Variants in EYA4 observed in about 807,000 individuals in gnomAD.
The protein encoded by EYA4 is EYA transcriptional coactivator and phosphatase 4.
A neutral mutation model predicts 87.9 loss-of-function variants in EYA4; 31 were observed. That is an observed-to-expected ratio of 0.35 (90% CI 0.27 to 0.48). The LOEUF (loss-of-function observed/expected upper bound fraction) is 0.48. EYA4 is among the 20% of genes least tolerant of loss of function. EYA4 has a pLI of 0.99. For missense variants in EYA4, 678 were observed against 761.4 expected, an observed-to-expected ratio of 0.89 and a Z score of 1.29; for synonymous variants, 263 against 270.6, an observed-to-expected ratio of 0.97 and a Z score of 0.28.
At position 133,532,082 on chromosome 6, in the gene EYA4, T is replaced by G. The variant is rs956559899; in HGVS notation, c.*3277T>G. ...TAAAAATATGTATATCTTTACTATTTCTCAATAAATACCTTTGCAATTGTT... is the reference window on the plus strand; with the variant it reads ...TAAAAATATGTATATCTTTACTATTGCTCAATAAATACCTTTGCAATTGTT... On this transcript the variant is annotated 3_prime_UTR_variant, in exon 20 of 20. Coordinates refer to ENST00000355286, the MANE Select transcript of EYA4 (RefSeq NM_004100.5). The G allele has an allele frequency of 1.3e-5, 2 of 152,358 alleles. No homozygotes were observed. Among genetic ancestry groups the G allele is most frequent in the East Asian group, 1.9e-4 (1 of 5,186 alleles). The allele number at this position is 152,358 out of a possible 1,614,324, so 9.4% of individuals were successfully genotyped here.
At chr6:133,491,651 A>G (rs1797163750) in intron 13 of EYA4, among the ~76,000 whole-genome samples, 1 of 152,094 alleles carries the variant, frequency 6.6e-6, no homozygotes, top group African/African-American at 2.4e-5. Flanking sequence ...TGGAAGCTGC[A>G]ATAAAAAGTA....
chr6:133,437,382 T>C (rs993707781), intron 3 of EYA4, among the ~76,000 whole-genome samples: 9 of 152,212 alleles, frequency 5.9e-5, no homozygotes, highest in Non-Finnish European at 1.3e-4. Flanking sequence ...TGGCATCAGA[T>C]AAACATGAGT....
chr6:133,420,186 A>T (rs547248677), intron 3 of EYA4, among the ~76,000 whole-genome samples: 1 of 151,942 alleles, frequency 6.6e-6, no homozygotes, highest in Non-Finnish European at 1.5e-5. Flanking sequence ...TTATTAAGAG[A>T]TGTTAATAGT....
intron 13 of EYA4, 107 bp downstream of exon 13, chr6:133,483,222 CTG>C: frequency 2.6e-6 from 2 of 773,788 alleles, no homozygotes; most frequent in Non-Finnish European, 4.4e-6. Context: ...TTATTGCAGT[CTG>C]TGAAATCTTC....
At chr6:133,508,927 G>C (rs1241707042) in intron 14 of EYA4, among the ~76,000 whole-genome samples, 1 of 152,120 alleles carries the variant, frequency 6.6e-6, no homozygotes, top group Non-Finnish European at 1.5e-5. Flanking sequence ...AATGTGATAA[G>C]AATTTCATTT....
At chr6:133,525,637 T>TG (rs548102434) in intron 19 of EYA4, among the ~76,000 whole-genome samples, 30 of 151,926 alleles carry the variant, frequency 2.0e-4, no homozygotes, top group South Asian at 4.2e-4. Context: ...CAAGAAAGAT[T>TG]GGGGGGGAGA....
At position 133,277,780 on chromosome 6, in the gene EYA4, A is replaced by G. The variant is rs150064755; in HGVS notation, c.33+2967A>G. Among the ~76,000 whole-genome samples the G allele has an allele frequency of 1.5e-3, 223 of 152,278 alleles. 1 individual carries two copies. Among genetic ancestry groups the G allele is most frequent in the African/African-American group, 5.1e-3 (212 of 41,538 alleles). On this transcript the variant is annotated intron_variant, in intron 2 of 19. Transcript: ENST00000355286. Reference sequence around the variant, plus strand: ...ACTCATCTCAGTGAATGGCATCATCAGCTACTGAATGGGTTATGGCAGAAA... The same window carrying G: ...ACTCATCTCAGTGAATGGCATCATCGGCTACTGAATGGGTTATGGCAGAAA...
At chr6:133,503,598 A>G (rs1395268497) in intron 13 of EYA4, among the ~76,000 whole-genome samples, 1 of 152,130 alleles carries the variant, frequency 6.6e-6, no homozygotes, top group African/African-American at 2.4e-5. Flanking sequence ...TTCATGCTAT[A>G]ATTACATTTG....
chr6:133,310,885 T>C (rs140676339), intron 2 of EYA4, among the ~76,000 whole-genome samples: 6 of 152,344 alleles, frequency 3.9e-5, no homozygotes, highest in African/African-American at 1.4e-4. Flanking sequence ...TTTTGAACTT[T>C]CCTTTGTATT....
At position 133,462,610 on chromosome 6, in the gene EYA4, T is replaced by G; in HGVS notation, c.581-11T>G. The G allele has an allele frequency of 1.2e-6, 2 of 1,613,972 alleles. No homozygotes were observed. Among genetic ancestry groups the G allele is most frequent in the Non-Finnish European group, 1.7e-6 (2 of 1,179,926 alleles). ...TAATTAAATGGTTTACACATTCAAT[T>G]TTCTGAACAGATTTGGGTGTGATGT... On this transcript the variant is annotated splice_polypyrimidine_tract_variant and intron_variant, in intron 8 of 19. Coordinates refer to ENST00000355286, the MANE Select transcript of EYA4 (RefSeq NM_004100.5).
intron 2 of EYA4, among the ~76,000 whole-genome samples, chr6:133,360,002 C>A (rs1206241663): frequency 6.6e-6 from 1 of 152,150 alleles, no homozygotes; most frequent in Non-Finnish European, 1.5e-5. Flanking sequence ...AGGCAGGCTG[C>A]ATCTGAAGAA....
At chr6:133,506,904 A>C (rs893472742) in intron 14 of EYA4, among the ~76,000 whole-genome samples, 2 of 152,220 alleles carry the variant, frequency 1.3e-5, no homozygotes, top group Non-Finnish European at 2.9e-5. Flanking sequence ...CATTCAGATA[A>C]TAGAATTCGA....
intron 3 of EYA4, among the ~76,000 whole-genome samples, chr6:133,394,807 C>T (rs1295754990): frequency 2.0e-5 from 3 of 152,068 alleles, no homozygotes; most frequent in Non-Finnish European, 4.4e-5. Context: ...ACAAAAATAG[C>T]GAAGCATAAA....
chr6:133,443,958 T>C (rs1246837433), intron 3 of EYA4, among the ~76,000 whole-genome samples: 4 of 152,234 alleles, frequency 2.6e-5, no homozygotes, highest in African/African-American at 9.6e-5. Flanking sequence ...GTCCTCTTGA[T>C]AGATGTTCCA....
intron 1 of EYA4, among the ~76,000 whole-genome samples, chr6:133,262,897 C>A (rs993304553): frequency 3.9e-5 from 6 of 152,190 alleles, no homozygotes; most frequent in African/African-American, 1.4e-4. Context: ...AGATCTGTTT[C>A]TTGGACACCT....
chr6:133,467,260 T>G (rs1794933305), intron 10 of EYA4, among the ~76,000 whole-genome samples: 1 of 152,122 alleles, frequency 6.6e-6, no homozygotes, highest in Non-Finnish European at 1.5e-5. Flanking sequence ...TTAGGCACTC[T>G]GGGTTTAAAT....
At chr6:133,248,253 A>G (rs1262820446) in intron 1 of EYA4, 1 of 152,166 alleles carries the variant, frequency 6.6e-6, no homozygotes, top group African/African-American at 2.4e-5. Context: ...TATTGCTACT[A>G]TTTCTGTTAT....
At chr6:133,309,255 G>T (rs988254482) in intron 2 of EYA4, among the ~76,000 whole-genome samples, 3 of 151,758 alleles carry the variant, frequency 2.0e-5, no homozygotes, top group Non-Finnish European at 4.4e-5. Flanking sequence ...TCCCTAAATG[G>T]TGAAATTAAA....
rs150022444 is a variant in EYA4 at position 133,242,453 on chromosome 6, C to T, written c.-66+704C>T. 4.3e-3 allele frequency among the ~76,000 whole-genome samples: 653 copies of T among 152,222 alleles called. 6 individuals are homozygous for T. The highest frequency in any genetic ancestry group is 0.015 in the African/African-American group (624 of 41,522). On this transcript the variant is annotated intron_variant, in intron 1 of 19. Transcript: ENST00000355286. ...CGTTCATTGGCTCGAGTAGCGGGTG[C>T]CATGGAAGGCTTATAACTTCTCCAA...
Sources: allele counts gnomAD v4.1 joint callset (sites outside exome capture counted in the v4.1 genomes callset), GRCh38; gene constraint gnomAD v4.1.1; transcripts MANE v1.5; gene names NCBI Gene and HGNC (gene_info 2026-07-23, HGNC 2026-07-21).